Variants in RNF4 observed in about 807,000 individuals in gnomAD.
RNF4 encodes E3 ubiquitin-protein ligase RNF4.
RNF4 carries 7 observed loss-of-function variants against 24.3 expected under a neutral mutation model. That is an observed-to-expected ratio of 0.29 (90% CI 0.16 to 0.54). The LOEUF (loss-of-function observed/expected upper bound fraction) is 0.54. RNF4 is among the 20% of genes least tolerant of loss of function. The pLI, the probability that RNF4 is intolerant of heterozygous loss-of-function variation, is 0.95. For synonymous variants in RNF4, 83 were observed against 84.3 expected, an observed-to-expected ratio of 0.98 and a Z score of 0.09; for missense variants, 209 against 248.5, an observed-to-expected ratio of 0.84 and a Z score of 1.07.
chr4:2,485,971 T>G (rs949308449), intron 1 of RNF4, among the ~76,000 whole-genome samples: 3 of 152,172 alleles, frequency 2.0e-5, no homozygotes, highest in Non-Finnish European at 4.4e-5. Flanking sequence ...CCGTCAGTGT[T>G]CCCGCTAGTT....
Position 2,512,063 on chromosome 4 carries a change from C to T in RNF4, c.214+98C>T, listed in dbSNP as rs763205600. ...GGTCTTGCCAGACCATCCCCAAGGG[C>T]TTGGAGCGCTCCAAGCAGGAAGATG... On this transcript the variant is annotated intron_variant, in intron 5 of 7. Transcript: ENST00000314289. This position sits in a 1 kb window ranked among gnomAD's most constrained non-coding sequence, Gnocchi z 4.1. The T allele has an allele frequency of 1.2e-5, 14 of 1,154,828 alleles. 1 individual carries two copies. The South Asian group carries it at 1.9e-4, about 16-fold the overall frequency. 71.5% of individuals were successfully genotyped at this position (1,154,828 alleles called of 1,614,324 possible). A position where few individuals can be genotyped will look rare whatever the true frequency, so the allele number is the denominator to read the frequency against.
intron 1 of RNF4, among the ~76,000 whole-genome samples, chr4:2,486,409 C>G (rs770451663): frequency 6.6e-6 from 1 of 152,124 alleles, no homozygotes; most frequent in African/African-American, 2.4e-5. Flanking sequence ...TGGAAATGCT[C>G]CTGTCTCACC....
Position 2,512,709 on chromosome 4 carries a change from C to A in RNF4, c.374+112C>A. On this transcript the variant is annotated intron_variant, in intron 6 of 7. Transcript: ENST00000314289. The surrounding 1 kb of genome is among the most constrained non-coding windows in gnomAD (Gnocchi z 4.1). ...TTGGCCCTGGAAGGGCTTGCCCAAGCCTCTACCCAGCATCTGGATACAGTT... is the reference window on the plus strand; with the variant it reads ...TTGGCCCTGGAAGGGCTTGCCCAAGACTCTACCCAGCATCTGGATACAGTT... 1.6e-6 allele frequency: 2 copies of A among 1,249,338 alleles called. No homozygotes were observed. The highest frequency in any genetic ancestry group is 2.2e-6 in the Non-Finnish European group (2 of 909,594). 77.4% of individuals were successfully genotyped at this position (1,249,338 alleles called of 1,614,324 possible). A position where few individuals can be genotyped will look rare whatever the true frequency, so the allele number is the denominator to read the frequency against.
chr4:2,510,471 TAGC>T lies in RNF4; in HGVS notation c.205-1481_205-1479del, dbSNP rs571821987. Among the ~76,000 whole-genome samples the T allele has an allele frequency of 2.0e-5, 3 of 152,320 alleles. No homozygotes were observed. The East Asian group carries it at 5.8e-4, about 29-fold the overall frequency. On this transcript the variant is annotated intron_variant, in intron 4 of 7. Transcript: ENST00000314289. ...GGAGGAGAGGCCTGGGCTCAAGACA[TAGC>T]AGCCTCTGCCAGAAGTGTTTCTTCA... is the stretch of plus-strand genomic sequence containing the variant.
chr4:2,472,719 T>G (rs1734943462), intron 1 of RNF4, among the ~76,000 whole-genome samples: 2 of 152,060 alleles, frequency 1.3e-5, no homozygotes, highest in African/African-American at 4.8e-5. Context: ...AAAAACCTCC[T>G]GAAAGGATAT....
chr4:2,494,484 TCTC>T (rs1483121266), intron 2 of RNF4: 5 of 151,686 alleles, frequency 3.3e-5, no homozygotes, highest in African/African-American at 1.2e-4. Context: ...TTCACACCAT[TCTC>T]CTGCCGCAGC....
chr4:2,473,254 C>T lies in RNF4; in HGVS notation c.-158+3996C>T, dbSNP rs953859324. On this transcript the variant is annotated intron_variant, in intron 1 of 7. Coordinates refer to ENST00000314289, the MANE Select transcript of RNF4 (RefSeq NM_002938.5). ...CAAAAATTAGCCAGGCATGGTGGCA[C>T]GCTCCTGTAGTCCCAGCTACTTGAG... 5.3e-5 allele frequency among the ~76,000 whole-genome samples: 8 copies of T among 150,782 alleles called. 1 individual carries two copies. The South Asian group carries it at 6.3e-4, about 12-fold the overall frequency.
At chr4:2,496,898 A>G (rs1041463481) in intron 2 of RNF4, 109 bp from the exon 3 acceptor site, 18 of 718,184 alleles carry the variant, frequency 2.5e-5, no homozygotes, top group African/African-American at 2.2e-4. Flanking sequence ...CTTCAAGTCT[A>G]CTCGCTGGCT....
chr4:2,513,885 G>A lies in RNF4; in HGVS notation c.*66G>A. The stretch of plus-strand genomic sequence containing the variant: ...ACAGCCAGGTTCTCCAGTGGTATCT[G>A]CCTCCATTTTCCTGAGATCAAAAAG... On this transcript the variant is annotated 3_prime_UTR_variant, in exon 8 of 8. Transcript: ENST00000314289. 1 of 1,597,578 alleles carries A rather than the reference G, an allele frequency of 6.3e-7. No individual in the cohort carries two copies.
chr4:2,514,142 T>G lies in RNF4; in HGVS notation c.*323T>G, dbSNP rs1403187867. 1 of 294,298 alleles carries G rather than the reference T, an allele frequency of 3.4e-6. No individual in the cohort carries two copies. Among genetic ancestry groups the G allele is most frequent in the Non-Finnish European group, 6.5e-6 (1 of 154,004 alleles). 18.2% of individuals were successfully genotyped at this position (294,298 alleles called of 1,614,324 possible). ...CATTTGCCAAGAAATTTTCCCTGTT[T>G]GGAAAGTTTGCCCCAGCTTTCCCGG... On this transcript the variant is annotated 3_prime_UTR_variant, in exon 8 of 8. Coordinates refer to ENST00000314289, the MANE Select transcript of RNF4 (RefSeq NM_002938.5).
intron 4 of RNF4, among the ~76,000 whole-genome samples, chr4:2,507,448 G>GT (rs140320973): frequency 1.2e-3 from 182 of 152,364 alleles, no homozygotes; most frequent in African/African-American, 4.2e-3. Context: ...ACAGGCATCA[G>GT]TAACTGCATG....
intron 4 of RNF4, among the ~76,000 whole-genome samples, chr4:2,511,672 T>G (rs1455163275): frequency 2.0e-5 from 3 of 151,870 alleles, no homozygotes; most frequent in Non-Finnish European, 4.4e-5. Flanking sequence ...AGTCAGCACA[T>G]GGTGTGGCTG....
chr4:2,490,374 A>G lies in RNF4; in HGVS notation c.-120A>G. The G allele has an allele frequency of 2.1e-6, 2 of 938,272 alleles. No individual in the cohort carries two copies. Among genetic ancestry groups the G allele is most frequent in the Non-Finnish European group, 3.2e-6 (2 of 618,316 alleles). The allele number at this position is 938,272 out of a possible 1,614,324, so 58.1% of individuals were successfully genotyped here. A position where few individuals can be genotyped will look rare whatever the true frequency, so the allele number is the denominator to read the frequency against. ...CTGGAAATCTGTCCGGATCCAAATT[A>G]TTTTGCAAGCCAGATGAGTAACCAG... On this transcript the variant is annotated 5_prime_UTR_variant, in exon 2 of 8. Transcript: ENST00000314289.
At chr4:2,476,184 TCTTA>T (rs929591213) in intron 1 of RNF4, among the ~76,000 whole-genome samples, 2 of 152,124 alleles carry the variant, frequency 1.3e-5, no homozygotes, top group Non-Finnish European at 2.9e-5. Context: ...ACACCTCACC[TCTTA>T]CTTTAGCCAA....
chr4:2,496,895 T>G (rs1735751945), intron 2 of RNF4, 112 bp from the exon 3 acceptor site: 2 of 700,370 alleles, frequency 2.9e-6, no homozygotes, highest in Admixed American at 6.0e-5. Context: ...TAACTTCAAG[T>G]CTACTCGCTG....
intron 4 of RNF4, 149 bp from the exon 5 acceptor site, chr4:2,511,807 C>T: frequency 1.4e-6 from 1 of 737,714 alleles, no homozygotes; most frequent in Non-Finnish European, 2.3e-6. Context: ...CACAGATCCT[C>T]TGTGGGTGGG....
intron 1 of RNF4, among the ~76,000 whole-genome samples, chr4:2,478,774 G>C (rs1735160281): frequency 6.6e-6 from 1 of 152,238 alleles, no homozygotes; most frequent in Non-Finnish European, 1.5e-5. Flanking sequence ...GAGAACCTCC[G>C]CTAGGGCAGT....
intron 2 of RNF4, chr4:2,494,817 T>A (rs370109776): frequency 6.6e-6 from 1 of 152,224 alleles, no homozygotes; most frequent in African/African-American, 2.4e-5. Flanking sequence ...TGGACTAATA[T>A]AAGCATGCCA....
At chr4:2,473,492 G>T in intron 1 of RNF4, among the ~76,000 whole-genome samples, 1 of 152,022 alleles carries the variant, frequency 6.6e-6, no homozygotes, top group Non-Finnish European at 1.5e-5. Context: ...TGTAGATGTG[G>T]TGGAAATAGC....
Sources: allele counts gnomAD v4.1 joint callset (sites outside exome capture counted in the v4.1 genomes callset), GRCh38; gene constraint gnomAD v4.1.1; non-coding constraint Gnocchi (gnomAD v3.1); transcripts MANE v1.5; gene names NCBI Gene and HGNC (gene_info 2026-07-23, HGNC 2026-07-21).